The following LAMA2 variants were observed in gnomAD, a reference collection of about 807,000 sequenced individuals.
LAMA2 encodes laminin subunit alpha-2.
LAMA2 carries 269 observed loss-of-function variants against 364.8 expected under a neutral mutation model. The observed-to-expected ratio is 0.74, with a 90% CI of 0.67 to 0.82. The LOEUF is 0.82. Among genes scored for constraint, LAMA2 ranks in the 40% least tolerant of loss-of-function variants. The pLI, the probability that LAMA2 is intolerant of heterozygous loss-of-function variation, is 0.00. For synonymous variants in LAMA2, 1,379 were observed against 1,370.6 expected (o/e 1.01, Z -0.14); for missense variants, 3,807 against 3,873.2 (o/e 0.98, Z 0.45).
chr6:128,888,204 A>C (rs1776256253), intron 1 of LAMA2, among the ~76,000 whole-genome samples: 1 of 152,180 alleles, frequency 6.6e-6, no homozygotes, highest in Non-Finnish European at 1.5e-5. Context: ...AGCAGATAGA[A>C]ATAAAACTAA....
At chr6:129,490,107 A>T (rs1784786031) in intron 56 of LAMA2, among the ~76,000 whole-genome samples, 1 of 152,226 alleles carries the variant, frequency 6.6e-6, no homozygotes. Context: ...AAAACTAAAG[A>T]AATGATCTAG....
chr6:129,509,807 C>A (rs1384189464), intron 62 of LAMA2, among the ~76,000 whole-genome samples: 1 of 151,836 alleles, frequency 6.6e-6, no homozygotes, highest in African/African-American at 2.4e-5. Flanking sequence ...AATTTTGTTC[C>A]TTTTGCATAG....
intron 1 of LAMA2, among the ~76,000 whole-genome samples, chr6:129,022,452 T>A (rs962602227): frequency 2.0e-5 from 3 of 152,164 alleles, no homozygotes; most frequent in Non-Finnish European, 4.4e-5. Flanking sequence ...CGAAATTAAG[T>A]GCTCAGTGAT....
chr6:129,138,609 T>A (rs1777937686), intron 4 of LAMA2, among the ~76,000 whole-genome samples: 1 of 152,166 alleles, frequency 6.6e-6, no homozygotes, highest in African/African-American at 2.4e-5. Flanking sequence ...TACTGTTTCA[T>A]ATATTCATGG....
chr6:129,218,147 A>G (rs893483825), intron 12 of LAMA2, among the ~76,000 whole-genome samples: 11 of 152,170 alleles, frequency 7.2e-5, no homozygotes, highest in African/African-American at 2.4e-4. Context: ...ATATATCAAA[A>G]ATGTGAGTGT....
At chr6:129,106,614 T>G (rs1775837700) in intron 4 of LAMA2, among the ~76,000 whole-genome samples, 1 of 152,032 alleles carries the variant, frequency 6.6e-6, no homozygotes, top group Admixed American at 6.6e-5. Context: ...GCAACAATAT[T>G]AAAGTACCTC....
intron 1 of LAMA2, among the ~76,000 whole-genome samples, chr6:128,890,252 A>T (rs1776372330): frequency 6.6e-6 from 1 of 152,174 alleles, no homozygotes; most frequent in South Asian, 2.1e-4. Flanking sequence ...GATTAATATA[A>T]TTATCCTCAG....
At chr6:129,493,663 G>A (rs1251781175) in intron 58 of LAMA2, among the ~76,000 whole-genome samples, 1 of 152,072 alleles carries the variant, frequency 6.6e-6, no homozygotes, top group East Asian at 1.9e-4. Flanking sequence ...ACCAGCCCAG[G>A]GCTAAACAAT....
intron 7 of LAMA2, among the ~76,000 whole-genome samples, chr6:129,149,704 G>A (rs977478105): frequency 1.3e-5 from 2 of 152,010 alleles, no homozygotes; most frequent in Non-Finnish European, 2.9e-5. Flanking sequence ...CCATATCCAT[G>A]GTTTCTCCAT....
chr6:129,028,365 G>A (rs927603651), intron 1 of LAMA2, among the ~76,000 whole-genome samples: 26 of 151,558 alleles, frequency 1.7e-4, no homozygotes, highest in Admixed American at 1.3e-3. Context: ...CATTACATTA[G>A]GCAGATATAT....
intron 1 of LAMA2, among the ~76,000 whole-genome samples, chr6:128,987,503 T>A (rs960455886): frequency 1.3e-5 from 2 of 152,168 alleles, no homozygotes; most frequent in African/African-American, 4.8e-5. Flanking sequence ...ATTTATTAGA[T>A]GTTGTCAAAT....
intron 1 of LAMA2, among the ~76,000 whole-genome samples, chr6:129,039,604 G>C (rs1786932052): frequency 6.6e-6 from 1 of 152,200 alleles, no homozygotes; most frequent in African/African-American, 2.4e-5. Flanking sequence ...AGACTAGGAA[G>C]GGCAGTGGTG....
At position 129,098,178 on chromosome 6, in the gene LAMA2, C is replaced by A. The variant is rs745528298; in HGVS notation, c.402C>A (p.Phe134Leu). 6 of 1,613,874 alleles carry A rather than the reference C, an allele frequency of 3.7e-6. No homozygotes were observed. The Admixed American group carries it at 1.0e-4, about 27-fold the overall frequency. ...TTGTTGTTATACTTCCCTAGGTGTT[C>A]CAGATCGCGTATGTGATTGTGAAGG... ...VTITLDLQQV[F>L]QIAYVIVKAA... Residue 134 changes from phenylalanine (F) to leucine (L), a missense_variant, in exon 4 of 65, where the codon TTC becomes TTA. Phe to Leu is a conservative substitution (Grantham distance 22, BLOSUM62 0). Coordinates refer to ENST00000421865, the MANE Select transcript of LAMA2 (RefSeq NM_000426.4).
chr6:129,481,505 T>C (rs1312328865), intron 55 of LAMA2, 66 bp downstream of exon 55: 3 of 1,340,780 alleles, frequency 2.2e-6, no homozygotes, highest in East Asian at 2.3e-5. Context: ...AACTTACTTT[T>C]GTATTTTTAG....
At chr6:129,152,646 C>T (rs17056866) in intron 7 of LAMA2, among the ~76,000 whole-genome samples, 10,522 of 152,136 alleles carry the variant, frequency 0.069, 1,107 homozygotes, top group East Asian at 0.52. Flanking sequence ...TGCTAGGACT[C>T]GAGTTTTTGC....
intron 16 of LAMA2, among the ~76,000 whole-genome samples, chr6:129,267,525 A>C (rs1055069509): frequency 2.0e-5 from 3 of 152,222 alleles, no homozygotes; most frequent in Admixed American, 2.0e-4. Context: ...ACTTTCTTCC[A>C]TAAATCTATG....
At position 129,016,052 on chromosome 6, in the gene LAMA2, C is replaced by G. The variant is rs182558734; in HGVS notation, c.113-33866C>G. Among the ~76,000 whole-genome samples the G allele has an allele frequency of 3.8e-3, 581 of 152,134 alleles. 1 individual carries two copies. The highest frequency in any genetic ancestry group is 6.5e-3 in the Non-Finnish European group (442 of 67,928). Reference sequence around the variant, plus strand: ...TCTTTTGCCCTTTGTGTTTTAACTACTGAGTGCTGCAGAAACTTCTGTCTA... The same window carrying G: ...TCTTTTGCCCTTTGTGTTTTAACTAGTGAGTGCTGCAGAAACTTCTGTCTA... On this transcript the variant is annotated intron_variant, in intron 1 of 64. Transcript: ENST00000421865.
At chr6:129,266,979 C>T in intron 15 of LAMA2, 127 bp from the exon 16 acceptor site, 1 of 761,474 alleles carries the variant, frequency 1.3e-6, no homozygotes. Flanking sequence ...AATGGCAATG[C>T]TTTGACAAGC....
intron 40 of LAMA2, among the ~76,000 whole-genome samples, chr6:129,426,619 A>T (rs921710939): frequency 2.0e-5 from 3 of 152,140 alleles, no homozygotes; most frequent in Admixed American, 6.5e-5. Flanking sequence ...TGCAAGAACT[A>T]TGTTCAGTGT....
Sources: gnomAD v4.1 joint callset for allele counts (sites outside exome capture counted in the v4.1 genomes callset) on GRCh38, gnomAD v4.1.1 for gene constraint, MANE v1.5 for transcripts, NCBI Gene and HGNC (gene_info 2026-07-23, HGNC 2026-07-21) for gene names.